The following ACSM2B variants were observed in gnomAD, a reference collection of about 807,000 sequenced individuals.
ACSM2B encodes the protein acyl-coenzyme A synthetase ACSM2B, mitochondrial.
Under a neutral mutation model 78.6 loss-of-function variants are expected in ACSM2B, and 58 were observed. The observed-to-expected ratio is 0.74, with a 90% confidence interval of 0.60 to 0.92. The LOEUF (loss-of-function observed/expected upper bound fraction) is 0.92, where lower values mean the gene tolerates loss of function less well. Among genes scored for constraint, ACSM2B ranks in the 40% least tolerant of loss-of-function variants. ACSM2B has a pLI of 0.00. For synonymous variants in ACSM2B, 257 were observed against 256.8 expected, an observed-to-expected ratio of 1.00 and a Z score of -0.01; for missense variants, 688 against 711.2, an observed-to-expected ratio of 0.97 and a Z score of 0.37.
At chr16:20,569,513 C>T (rs1237567535) in intron 1 of ACSM2B, among the ~76,000 whole-genome samples, 3 of 151,900 alleles carry the variant, frequency 2.0e-5, no homozygotes, top group Admixed American at 2.0e-4. Flanking sequence ...TGTGATGCCT[C>T]CAGATTTGTT....
At chr16:20,540,385 G>T (rs555041849) in intron 13 of ACSM2B, among the ~76,000 whole-genome samples, 2 of 152,080 alleles carry the variant, frequency 1.3e-5, no homozygotes, top group African/African-American at 2.4e-5. Context: ...TGGGATTACA[G>T]GCACATGCCA....
chr16:20,566,678 T>C (rs60771134), intron 1 of ACSM2B, among the ~76,000 whole-genome samples: 151 of 1,902 alleles, frequency 0.079, 16 homozygotes, highest in Non-Finnish European at 0.22. Context: ...AGTATATACA[T>C]ATAGTATATA....
At chr16:20,574,401 T>C (rs545262592) in intron 1 of ACSM2B, 1 of 152,040 alleles carries the variant, frequency 6.6e-6, no homozygotes, top group Admixed American at 6.5e-5. Context: ...TCTGAGCTTA[T>C]GAAGATAACA....
rs2014962287 is a variant in ACSM2B, at chr16:20,540,635, G to A, written c.1629+19C>T. The A allele has an allele frequency of 1.2e-6, 2 of 1,611,774 alleles. No individual in the cohort carries two copies. Among genetic ancestry groups the A allele is most frequent in the African/African-American group, 2.7e-5 (2 of 74,812 alleles). Reference sequence around the variant, plus strand: ...TCTATTTCTCAAGTTTGAGTGACTTGGGAGCTCAAAGGCCTTACCTTTCTT... The same window carrying A: ...TCTATTTCTCAAGTTTGAGTGACTTAGGAGCTCAAAGGCCTTACCTTTCTT... On this transcript the variant is annotated intron_variant, in intron 13 of 13. Transcript: ENST00000329697.
intron 1 of ACSM2B, among the ~76,000 whole-genome samples, chr16:20,567,711 A>G (rs908407498): frequency 7.2e-6 from 1 of 139,374 alleles, no homozygotes; most frequent in African/African-American, 2.6e-5. Context: ...GTAAGCATTC[A>G]TGTCTTGTTC....
intron 1 of ACSM2B, among the ~76,000 whole-genome samples, chr16:20,569,883 A>T (rs1275001836): frequency 6.6e-6 from 1 of 151,816 alleles, no homozygotes. Context: ...AGTATAGCAG[A>T]GCTACTGGTT....
chr16:20,543,764 G>T (rs2015064271), intron 10 of ACSM2B, among the ~76,000 whole-genome samples: 1 of 152,104 alleles, frequency 6.6e-6, no homozygotes, highest in Non-Finnish European at 1.5e-5. Context: ...TTGCTTATAA[G>T]TAATGAAAAG....
chr16:20,545,629 T>G (rs2015116156), intron 9 of ACSM2B, among the ~76,000 whole-genome samples: 1 of 152,186 alleles, frequency 6.6e-6, no homozygotes, highest in Non-Finnish European at 1.5e-5. Flanking sequence ...TTTGAACTAC[T>G]TAAACTCTTT....
At chr16:20,567,393 T>C (rs1296252592) in intron 1 of ACSM2B, among the ~76,000 whole-genome samples, 1 of 118,730 alleles carries the variant, frequency 8.4e-6, no homozygotes, top group Non-Finnish European at 1.6e-5. Flanking sequence ...TAATATTACA[T>C]ATACAATATA....
chr16:20,572,885 T>C (rs987098018), intron 1 of ACSM2B, among the ~76,000 whole-genome samples: 4 of 151,890 alleles, frequency 2.6e-5, no homozygotes, highest in African/African-American at 9.7e-5. Context: ...TTTCAGTGCG[T>C]TTTTCTCTGT....
chr16:20,548,510 G>A (rs1275519588), intron 6 of ACSM2B, 37 bp from the exon 7 acceptor site: 19 of 1,613,252 alleles, frequency 1.2e-5, no homozygotes, highest in Non-Finnish European at 1.5e-5. Flanking sequence ...TTGGTCACCA[G>A]GTCAAATGCC....
chr16:20,563,185 C>A (rs2015718620), intron 2 of ACSM2B, among the ~76,000 whole-genome samples: 1 of 152,148 alleles, frequency 6.6e-6, no homozygotes, highest in Non-Finnish European at 1.5e-5. Context: ...ATTTGACTAA[C>A]AAGATAGGTG....
At chr16:20,540,226 T>TTG (rs2014947808) in intron 13 of ACSM2B, among the ~76,000 whole-genome samples, 3 of 73,138 alleles carry the variant, frequency 4.1e-5, no homozygotes, top group African/African-American at 1.1e-4. Flanking sequence ...TTTTTTTTGT[T>TTG]TTTTTTTTTT....
Position 20,536,699 on chromosome 16 carries a change from T to C in ACSM2B, c.*559A>G, listed in dbSNP as rs1490418018. 1 of 152,198 alleles carries C rather than the reference T, an allele frequency of 6.6e-6. No individual in the cohort carries two copies. The highest frequency in any genetic ancestry group is 1.5e-5 in the Non-Finnish European group (1 of 68,052). 9.4% of individuals were successfully genotyped at this position (152,198 alleles called of 1,614,324 possible). A position where few individuals can be genotyped will look rare whatever the true frequency, so the allele number is the denominator to read the frequency against. On this transcript the variant is annotated 3_prime_UTR_variant, in exon 14 of 14. Coordinates refer to ENST00000329697, the MANE Select transcript of ACSM2B (RefSeq NM_001105069.2). ...CTCTTTACTTCCCTCTCTTCCTTTCTTCCTGTCTTCCATGACTTTTCTTTA... is the reference window on the plus strand; with the variant it reads ...CTCTTTACTTCCCTCTCTTCCTTTCCTCCTGTCTTCCATGACTTTTCTTTA...
Position 20,540,762 on chromosome 16 carries a change from T to C in ACSM2B, c.1521A>G (p.Ala507=). 1 of 1,613,888 alleles carries C rather than the reference T, an allele frequency of 6.2e-7. No individual in the cohort carries two copies. The highest frequency in any genetic ancestry group is 8.5e-7 in the Non-Finnish European group (1 of 1,179,850). Residue 507 remains alanine, a synonymous_variant, in exon 13 of 14, where the codon GCA becomes GCG. Transcript: ENST00000329697. ...GGAACTGCGAGGCCAGGATCACAAA[T>C]GCCTTCACCACCTGCAAAATAGATG... ...PDPVRGEVVK[A]FVILASQFLS...
In ACSM2B at chr16:20,555,285, A is replaced by T. The variant is rs759981336; in HGVS notation, c.580T>A (p.Phe194Ile). 1 of 1,613,938 alleles carries T rather than the reference A, an allele frequency of 6.2e-7. No individual in the cohort carries two copies. The highest frequency in any genetic ancestry group is 8.5e-7 in the Non-Finnish European group (1 of 1,179,858). ...SEKSCDGWLNFKKLLNEASTT... is the reference protein window; with the variant it reads ...SEKSCDGWLNIKKLLNEASTT... Reference sequence around the variant, plus strand: ...GATACTCACTTTAGTAGTTTCTTGAAGTTCAGCCACCCATCGCAGCTTTTC... The same window carrying T: ...GATACTCACTTTAGTAGTTTCTTGATGTTCAGCCACCCATCGCAGCTTTTC... The change falls in exon 4 of 14, where the codon TTC (phenylalanine) becomes ATC (isoleucine). Residue 194 changes from phenylalanine (F) to isoleucine (I), a missense_variant. Physicochemically the swap from Phe to Ile is conservative, Grantham distance 21. Transcript: ENST00000329697.
chr16:20,550,414 A>T (rs2015274936), intron 6 of ACSM2B, among the ~76,000 whole-genome samples: 1 of 151,950 alleles, frequency 6.6e-6, no homozygotes, highest in South Asian at 2.1e-4. Flanking sequence ...TTTCTCCTTA[A>T]TTTCCTTAGT....
intron 8 of ACSM2B, 90 bp downstream of exon 8, chr16:20,547,972 G>C (rs2015190077): frequency 6.3e-7 from 1 of 1,576,058 alleles, no homozygotes; most frequent in Non-Finnish European, 8.6e-7. Context: ...ATAAATGAAT[G>C]ATACATGGTG....
Position 20,540,710 on chromosome 16 carries a change from T to C in ACSM2B, c.1573A>G (p.Lys525Glu). Residue 525 changes from lysine to glutamate, a missense_variant, in exon 13 of 14, where the codon AAG becomes GAG. Coordinates refer to ENST00000329697, the MANE Select transcript of ACSM2B (RefSeq NM_001105069.2). The stretch of plus-strand genomic sequence containing the variant: ...GACTTCACATGCTGCTGCAGCTCCT[T>C]GGTGAGCTGTTCTGGGTCATGGGAT... ...FLSHDPEQLT[K>E]ELQQHVKSVT... 6.2e-7 allele frequency: 1 copy of C among 1,614,158 alleles called. No individual in the cohort carries two copies. Among genetic ancestry groups the C allele is most frequent in the Non-Finnish European group, 8.5e-7 (1 of 1,179,998 alleles).
Sources: gnomAD v4.1 joint callset for allele counts (sites outside exome capture counted in the v4.1 genomes callset) on GRCh38, gnomAD v4.1.1 for gene constraint, MANE v1.5 for transcripts, NCBI Gene and HGNC (gene_info 2026-07-23, HGNC 2026-07-21) for gene names.